FRMD4A: variants seen among roughly 807,000 people sequenced by gnomAD.
The protein encoded by FRMD4A is FERM domain-containing protein 4A.
Under a neutral mutation model 129.1 loss-of-function variants are expected in FRMD4A, and 29 were observed. The ratio of observed to expected loss-of-function variants is 0.22; its 90% CI spans 0.17 to 0.31. The LOEUF is 0.31. Ranked by LOEUF, FRMD4A falls within the 10% of genes least tolerant of loss-of-function variation. FRMD4A has a pLI of 1.00. For synonymous variants in FRMD4A, 634 were observed against 571.6 expected (o/e 1.11, Z -1.56); for missense variants, 1,272 against 1,375.8 (o/e 0.92, Z 1.19).
rs143115996 is a variant in FRMD4A, at chr10:14,142,186, C to T, written c.45+187872G>A. On this transcript the variant is annotated intron_variant, in intron 2 of 24. Coordinates refer to ENST00000357447, the MANE Select transcript of FRMD4A (RefSeq NM_018027.5). ...TGTTGTTTTGTTTTTGCTAGAAAGTCCCAGCTTTCTTAATTCTCTGAATAT... is the reference window on the plus strand; with the variant it reads ...TGTTGTTTTGTTTTTGCTAGAAAGTTCCAGCTTTCTTAATTCTCTGAATAT... Among the ~76,000 whole-genome samples the T allele has an allele frequency of 1.8e-3, 267 of 151,406 alleles. 1 individual carries two copies. The highest frequency in any genetic ancestry group is 6.0e-3 in the African/African-American group (248 of 41,320).
At chr10:13,845,895 C>T (rs1222796106) in intron 3 of FRMD4A, among the ~76,000 whole-genome samples, 1 of 152,184 alleles carries the variant, frequency 6.6e-6, no homozygotes, top group African/African-American at 2.4e-5. Context: ...CCCAACCGGC[C>T]CCAGAGCCTG....
At chr10:14,112,150 G>A (rs999245072) in intron 2 of FRMD4A, among the ~76,000 whole-genome samples, 6 of 152,298 alleles carry the variant, frequency 3.9e-5, no homozygotes, top group South Asian at 2.1e-4. Context: ...TTGTCAGAAG[G>A]AAGGGTAGAA....
At chr10:13,751,894 T>C (rs2091644380) in intron 8 of FRMD4A, among the ~76,000 whole-genome samples, 1 of 152,100 alleles carries the variant, frequency 6.6e-6, no homozygotes, top group African/African-American at 2.4e-5. Flanking sequence ...TTTGCACTTG[T>C]AGTCCCAGCT....
intron 2 of FRMD4A, among the ~76,000 whole-genome samples, chr10:14,268,683 C>A (rs1440998583): frequency 6.6e-6 from 1 of 152,180 alleles, no homozygotes; most frequent in Non-Finnish European, 1.5e-5. Context: ...TACAACATGT[C>A]CCTATGGAAA....
At chr10:13,688,259 C>T (rs2085289005) in intron 15 of FRMD4A, among the ~76,000 whole-genome samples, 1 of 152,082 alleles carries the variant, frequency 6.6e-6, no homozygotes, top group Non-Finnish European at 1.5e-5. Context: ...ATGGATGAAA[C>T]TGGAAACCAT....
At chr10:13,766,250 T>C (rs914104913) in intron 6 of FRMD4A, among the ~76,000 whole-genome samples, 14 of 152,200 alleles carry the variant, frequency 9.2e-5, no homozygotes, top group Non-Finnish European at 1.0e-4. Flanking sequence ...CACCATCAAA[T>C]ATCTAACCTG....
At chr10:14,130,049 C>T (rs10906603) in intron 2 of FRMD4A, among the ~76,000 whole-genome samples, 23,504 of 152,032 alleles carry the variant, frequency 0.15, 2,057 homozygotes, top group Non-Finnish European at 0.2. Flanking sequence ...GCTGCCGCAG[C>T]GCTTGCGGGC....
At chr10:14,023,887 C>A (rs923523458) in intron 2 of FRMD4A, among the ~76,000 whole-genome samples, 3 of 152,126 alleles carry the variant, frequency 2.0e-5, no homozygotes, top group Non-Finnish European at 4.4e-5. Flanking sequence ...GACCCACACA[C>A]TGGAATTCTG....
At chr10:14,028,917 T>A (rs1163621235) in intron 2 of FRMD4A, among the ~76,000 whole-genome samples, 4 of 152,216 alleles carry the variant, frequency 2.6e-5, no homozygotes, top group African/African-American at 9.6e-5. Flanking sequence ...TTTATAGACA[T>A]TTCTTTGATG....
rs564393289 is a variant in FRMD4A at position 13,660,334 on chromosome 10, G to C, written c.1880C>G (p.Ser627Cys). The change falls in exon 20 of 25, where the codon TCC (serine) becomes TGC (cysteine). Residue 627 changes from serine (S) to cysteine (C), a missense_variant. Coordinates refer to ENST00000357447, the MANE Select transcript of FRMD4A (RefSeq NM_018027.5). ...AGCTCACCTGGAATGGCTGTGAGAG[G>C]AGCGCTTCTTGACCTTCTCATAGGG... Reference protein sequence around the residue: ...DEPYEKVKKRSSHSHSSSHKR... With the variant: ...DEPYEKVKKRCSHSHSSSHKR... The C allele has an allele frequency of 6.2e-7, 1 of 1,611,886 alleles. No homozygotes were observed. The highest frequency in any genetic ancestry group is 2.2e-5 in the East Asian group (1 of 44,870).
chr10:14,116,575 C>A (rs73597218), intron 2 of FRMD4A, among the ~76,000 whole-genome samples: 247 of 152,260 alleles, frequency 1.6e-3, no homozygotes, highest in African/African-American at 5.7e-3. Flanking sequence ...GGAAGCCTTA[C>A]AATCACAGGG....
chr10:14,085,043 G>T (rs764409854), intron 2 of FRMD4A, among the ~76,000 whole-genome samples: 1 of 152,136 alleles, frequency 6.6e-6, no homozygotes, highest in Non-Finnish European at 1.5e-5. Context: ...CCTCGGGTAC[G>T]CTCTGAATCA....
intron 2 of FRMD4A, among the ~76,000 whole-genome samples, chr10:14,030,853 C>T (rs764317682): frequency 1.3e-5 from 2 of 152,194 alleles, no homozygotes; most frequent in African/African-American, 2.4e-5. Context: ...TTGACAGCCT[C>T]TCCAATGAGT....
intron 2 of FRMD4A, among the ~76,000 whole-genome samples, chr10:14,292,642 T>C (rs1323744430): frequency 6.6e-6 from 1 of 151,926 alleles, no homozygotes; most frequent in Non-Finnish European, 1.5e-5. Flanking sequence ...TACTAAAAAA[T>C]ACAAAAAATT....
At chr10:14,303,206 A>G (rs1846242490) in intron 2 of FRMD4A, among the ~76,000 whole-genome samples, 2 of 152,130 alleles carry the variant, frequency 1.3e-5, no homozygotes, top group African/African-American at 4.8e-5. Flanking sequence ...CCTTAACCCC[A>G]CAGTTCTAGG....
At chr10:13,919,879 A>C (rs1473411398) in intron 2 of FRMD4A, among the ~76,000 whole-genome samples, 1 of 152,216 alleles carries the variant, frequency 6.6e-6, no homozygotes, top group Non-Finnish European at 1.5e-5. Flanking sequence ...CAGAGGTTGC[A>C]GTGAGCTGAG....
intron 2 of FRMD4A, among the ~76,000 whole-genome samples, chr10:14,109,977 C>A (rs542230722): frequency 1.3e-5 from 2 of 148,190 alleles, no homozygotes; most frequent in Non-Finnish European, 1.5e-5. Flanking sequence ...TCTCCCTCCC[C>A]CAAACCCACC....
At chr10:14,220,472 G>A (rs748702866) in intron 2 of FRMD4A, among the ~76,000 whole-genome samples, 4 of 152,182 alleles carry the variant, frequency 2.6e-5, no homozygotes, top group Non-Finnish European at 4.4e-5. Flanking sequence ...CCCCAAAGGG[G>A]GTGCCAGGAT....
chr10:13,877,461 G>A (rs2094499779), intron 2 of FRMD4A, among the ~76,000 whole-genome samples: 2 of 151,574 alleles, frequency 1.3e-5, no homozygotes, highest in East Asian at 3.9e-4. Flanking sequence ...AAACAGGGAC[G>A]CTCGAGAACT....
Sources: gnomAD v4.1 joint callset for allele counts (sites outside exome capture counted in the v4.1 genomes callset) on GRCh38, gnomAD v4.1.1 for gene constraint, MANE v1.5 for transcripts, NCBI Gene and HGNC (gene_info 2026-07-23, HGNC 2026-07-21) for gene names.